Variants in MAPRE1 observed in about 807,000 individuals in gnomAD.
MAPRE1 encodes microtubule associated protein RP/EB family member 1, also known as microtubule-associated protein RP/EB family member 1.
In MAPRE1, 5 loss-of-function variants were observed where a neutral mutation model predicts 32.1. The observed-to-expected ratio is 0.16, with a 90% CI of 0.08 to 0.33. The LOEUF (loss-of-function observed/expected upper bound fraction) is 0.33. MAPRE1 is among the 10% of genes least tolerant of loss of function. The pLI, the probability that MAPRE1 is intolerant of heterozygous loss-of-function variation, is 1.00. For synonymous variants in MAPRE1, 122 were observed against 118.9 expected (o/e 1.03, Z -0.17); for missense variants, 209 against 327.2 (o/e 0.64, Z 2.79).
At position 32,832,929 on chromosome 20, in the gene MAPRE1, C is replaced by T. The variant is rs577172690; in HGVS notation, c.122-788C>T. 2.8e-4 allele frequency among the ~76,000 whole-genome samples: 39 copies of T among 140,250 alleles called. 1 individual carries two copies. The South Asian group carries it at 3.4e-3, about 12-fold the overall frequency. 92.0% of individuals were successfully genotyped at this position (140,250 alleles called of 152,430 possible). On this transcript the variant is annotated intron_variant, in intron 2 of 6. Transcript: ENST00000375571. Reference sequence around the variant, plus strand: ...ACTGCACTCCAGCTTGGCAACAGAGCGAGACTCTGTCTCAAAAAAAATAAA... The same window carrying T: ...ACTGCACTCCAGCTTGGCAACAGAGTGAGACTCTGTCTCAAAAAAAATAAA...
At chr20:32,837,594 T>C (rs1983236389) in intron 4 of MAPRE1, among the ~76,000 whole-genome samples, 1 of 152,164 alleles carries the variant, frequency 6.6e-6, no homozygotes, top group Admixed American at 6.5e-5. Flanking sequence ...GGTTTCATAA[T>C]ACCTAGAGAG....
intron 4 of MAPRE1, among the ~76,000 whole-genome samples, chr20:32,838,943 A>C (rs1983276234): frequency 6.6e-6 from 1 of 152,180 alleles, no homozygotes; most frequent in African/African-American, 2.4e-5. Flanking sequence ...ATATACCTTG[A>C]GGTTTAGCCC....
upstream of MAPRE1, chr20:32,819,881 A>C (rs2146116746): frequency 7.1e-6 from 1 of 140,398 alleles, no homozygotes; most frequent in African/African-American, 2.6e-5. Flanking sequence ...GAGCCGGCGG[A>C]GGATGGCGAG....
At chr20:32,826,404 T>C (rs1383079990) in intron 2 of MAPRE1, among the ~76,000 whole-genome samples, 2 of 150,330 alleles carry the variant, frequency 1.3e-5, no homozygotes, top group Non-Finnish European at 3.0e-5. Context: ...TTTTTTTTAG[T>C]GGAGATGGGG....
rs71190880 is a variant in MAPRE1 at position 32,844,439 on chromosome 20, C to CTTTTTTTTTTTTT, written c.598-2160_598-2148dup. 7.3e-4 allele frequency among the ~76,000 whole-genome samples: 38 copies of CTTTTTTTTTTTTT among 52,048 alleles called. 10 individuals are homozygous for CTTTTTTTTTTTTT. Among genetic ancestry groups the CTTTTTTTTTTTTT allele is most frequent in the African/African-American group, 8.7e-4 (12 of 13,718 alleles). The allele number at this position is 52,048 out of a possible 152,430, so 34.1% of individuals were successfully genotyped here. ...CTAGGTGGATACCAAGCTAGCATTC[C>CTTTTTTTTTTTTT]TTTTTTTTTTTTTTTTTTTTTTTTT... On this transcript the variant is annotated intron_variant, in intron 5 of 6. Transcript: ENST00000375571.
At chr20:32,824,314 A>G (rs573317554) in intron 1 of MAPRE1, among the ~76,000 whole-genome samples, 68 of 152,384 alleles carry the variant, frequency 4.5e-4, no homozygotes, top group African/African-American at 1.5e-3. Context: ...CACATTTACT[A>G]GCATTTGAAA....
intron 1 of MAPRE1, among the ~76,000 whole-genome samples, chr20:32,820,622 A>G (rs1010189617): frequency 3.3e-5 from 5 of 152,200 alleles, no homozygotes; most frequent in Admixed American, 2.0e-4. Context: ...GTGTGTGTTT[A>G]TTGAATGCCC....
chr20:32,846,168 G>C (rs1034727901), intron 5 of MAPRE1, among the ~76,000 whole-genome samples: 9 of 152,172 alleles, frequency 5.9e-5, no homozygotes, highest in Non-Finnish European at 1.0e-4. Context: ...GGCTCATGGA[G>C]GGTCAGAGCA....
chr20:32,843,095 A>G (rs946037143), intron 5 of MAPRE1: 1 of 152,276 alleles, frequency 6.6e-6, no homozygotes, highest in South Asian at 2.1e-4. Flanking sequence ...AGCTGGTTCA[A>G]CCCTGACATA....
At chr20:32,844,439 C>CTT (rs71190880) in intron 5 of MAPRE1, among the ~76,000 whole-genome samples, 3,304 of 51,908 alleles carry the variant, frequency 0.064, 807 homozygotes, top group Middle Eastern at 0.12. Flanking sequence ...GCTAGCATTC[C>CTT]TTTTTTTTTT....
rs541094118 is a variant in MAPRE1 at position 32,848,963 on chromosome 20, CAG to C, written c.*240_*241del. 57 of 361,484 alleles carry C rather than the reference CAG, an allele frequency of 1.6e-4. No individual in the cohort carries two copies. The highest frequency in any genetic ancestry group is 1.1e-3 in the African/African-American group (54 of 47,976). The allele number at this position is 361,484 out of a possible 1,614,324, so 22.4% of individuals were successfully genotyped here. On this transcript the variant is annotated 3_prime_UTR_variant, in exon 7 of 7. Transcript: ENST00000375571. ...ACACCTAGTTGGTTCACCTGGAAAA[CAG>C]AGAGGCTGACCGTGGGGCTCACCAT...
intron 5 of MAPRE1, among the ~76,000 whole-genome samples, chr20:32,842,850 G>C (rs1053209333): frequency 6.6e-6 from 1 of 152,200 alleles, no homozygotes; most frequent in Non-Finnish European, 1.5e-5. Flanking sequence ...TGTGATTGGG[G>C]TCTGAGGAGG....
At chr20:32,844,989 CTGTATGTATGTATGTATGTA>C (rs35343459) in intron 5 of MAPRE1, among the ~76,000 whole-genome samples, 32 of 150,426 alleles carry the variant, frequency 2.1e-4, no homozygotes, top group South Asian at 6.4e-4. Flanking sequence ...AGTAGCTGTA[CTGTATGTATGTATGTATGTA>C]TGTATGTATG....
chr20:32,826,630 G>A (rs909131324), intron 2 of MAPRE1, among the ~76,000 whole-genome samples: 1 of 145,242 alleles, frequency 6.9e-6, no homozygotes, highest in African/African-American at 2.6e-5. Context: ...GGGTTCAAGC[G>A]ATTCTCCTAC....
At chr20:32,838,909 A>G (rs1983275321) in intron 4 of MAPRE1, among the ~76,000 whole-genome samples, 1 of 152,224 alleles carries the variant, frequency 6.6e-6, no homozygotes, top group Admixed American at 6.5e-5. Flanking sequence ...AATAATTGCT[A>G]AGTAGGTGAA....
rs970097019 is a variant in MAPRE1 at position 32,848,876 on chromosome 20, G to A, written c.*148G>A. The A allele has an allele frequency of 7.7e-5, 44 of 570,652 alleles. No homozygotes were observed. Among genetic ancestry groups the A allele is most frequent in the Non-Finnish European group, 1.2e-4 (39 of 334,860 alleles). The allele number at this position is 570,652 out of a possible 1,614,324, so 35.3% of individuals were successfully genotyped here. A position where few individuals can be genotyped will look rare whatever the true frequency, so the allele number is the denominator to read the frequency against. ...TCTTCTTAAAGTGCACTTTGCAGAC[G>A]TTTCACTCCTTTTCCAATAAGTTTG... On this transcript the variant is annotated 3_prime_UTR_variant, in exon 7 of 7. Coordinates refer to ENST00000375571, the MANE Select transcript of MAPRE1 (RefSeq NM_012325.3).
At chr20:32,822,206 C>G (rs1348046764) in intron 1 of MAPRE1, among the ~76,000 whole-genome samples, 1 of 152,212 alleles carries the variant, frequency 6.6e-6, no homozygotes, top group East Asian at 1.9e-4. Flanking sequence ...TTACCAGCTG[C>G]TTAGATTTTA....
At chr20:32,826,988 G>C (rs1028373527) in intron 2 of MAPRE1, among the ~76,000 whole-genome samples, 1 of 152,188 alleles carries the variant, frequency 6.6e-6, no homozygotes, top group Non-Finnish European at 1.5e-5. Context: ...ACTGTCTGCT[G>C]TTCTAGTTTT....
At chr20:32,846,900 C>A in intron 6 of MAPRE1, 130 bp downstream of exon 6, 2 of 945,852 alleles carry the variant, frequency 2.1e-6, no homozygotes, top group Non-Finnish European at 3.2e-6. Context: ...TCAAAGTCAG[C>A]CAGAGGGCAT....
Sources: gnomAD v4.1 joint callset for allele counts (sites outside exome capture counted in the v4.1 genomes callset) on GRCh38, gnomAD v4.1.1 for gene constraint, MANE v1.5 for transcripts, NCBI Gene and HGNC (gene_info 2026-07-23, HGNC 2026-07-21) for gene names.